TBC1D10B: variants seen among roughly 807,000 people sequenced by gnomAD.
TBC1D10B encodes the protein Rab27A-GAPbeta.
TBC1D10B carries 25 observed loss-of-function variants against 78.4 expected under a neutral mutation model. The observed-to-expected ratio is 0.32, with a 90% CI of 0.23 to 0.45. The LOEUF is 0.45. TBC1D10B is among the 20% of genes least tolerant of loss of function. The pLI is 1.00. For synonymous variants in TBC1D10B, 517 were observed against 478.0 expected (o/e 1.08, Z -1.06); for missense variants, 996 against 1,104.8 (o/e 0.90, Z 1.40).
chr16:30,368,864 G>A (rs1567415271), intron 1 of TBC1D10B, among the ~76,000 whole-genome samples: 1 of 152,232 alleles, frequency 6.6e-6, no homozygotes, highest in East Asian at 1.9e-4. Context: ...AGAATATCCG[G>A]CCTGTAGCTG....
At chr16:30,364,767 C>G in intron 4 of TBC1D10B, 133 bp downstream of exon 4, 1 of 747,114 alleles carries the variant, frequency 1.3e-6, no homozygotes. Flanking sequence ...GACACTTAGT[C>G]CATTACAGAT....
At chr16:30,364,777 T>C (rs944501099) in intron 4 of TBC1D10B, 123 bp downstream of exon 4, 1 of 794,278 alleles carries the variant, frequency 1.3e-6, no homozygotes, top group Non-Finnish European at 2.0e-6. Flanking sequence ...CCATTACAGA[T>C]AGCTCTTCTA....
intron 1 of TBC1D10B, chr16:30,367,431 G>T (rs557490799): frequency 6.6e-6 from 1 of 152,274 alleles, no homozygotes; most frequent in South Asian, 2.1e-4. Flanking sequence ...ATACCTTCTG[G>T]CCCTCAAGAA....
rs2049676888 is a variant in TBC1D10B, at chr16:30,370,154, G to A, written c.30C>T (p.Ala10=). 8.4e-7 allele frequency: 1 copy of A among 1,188,210 alleles called. No homozygotes were observed. The highest frequency in any genetic ancestry group is 4.2e-5 in the South Asian group (1 of 24,008). The allele number at this position is 1,188,210 out of a possible 1,614,324, so 73.6% of individuals were successfully genotyped here. A position where few individuals can be genotyped will look rare whatever the true frequency, so the allele number is the denominator to read the frequency against. Residue 10 remains alanine (A), a synonymous_variant, in exon 1 of 9, where the codon GCC becomes GCT. Coordinates refer to ENST00000409939, the MANE Select transcript of TBC1D10B (RefSeq NM_015527.4). METGTAPLV[A]PPRRHGAPAA... The stretch of plus-strand genomic sequence containing the variant: ...CGGGGGCGCCATGACGGCGCGGCGG[G>A]GCCACCAGGGGCGCCGTGCCCGTCT...
Position 30,365,845 on chromosome 16 carries a change from T to G in TBC1D10B, c.957-251A>C. 2.1e-6 allele frequency: 1 copy of G among 467,208 alleles called. No individual in the cohort carries two copies. Among genetic ancestry groups the G allele is most frequent in the East Asian group, 3.8e-5 (1 of 26,414 alleles). 28.9% of individuals were successfully genotyped at this position (467,208 alleles called of 1,614,324 possible). A position where few individuals can be genotyped will look rare whatever the true frequency, so the allele number is the denominator to read the frequency against. ...GACACATCCAAATCTGGGGAGAGAG[T>G]ATGGAGTATTTTAAAGCCACATTTT... On this transcript the variant is annotated intron_variant, in intron 1 of 8. Transcript: ENST00000409939. This position sits in a 1 kb window ranked among gnomAD's most constrained non-coding sequence, Gnocchi z 5.0.
chr16:30,359,772 G>C lies in TBC1D10B; in HGVS notation c.1341C>G (p.Ala447=). The change falls in exon 5 of 9, where the codon GCC becomes GCG. Residue 447 remains alanine (A), a synonymous_variant. Coordinates refer to ENST00000409939, the MANE Select transcript of TBC1D10B (RefSeq NM_015527.4). The part of the protein sequence containing the change: ...IYRPDEGYCQ[A]QAPVAAVLLM... ...GCAGGACCGCAGCCACGGGGGCCTG[G>C]GCCTGGCAGTAACCCTCGTCAGGCC... The C allele has an allele frequency of 6.3e-7, 1 of 1,591,136 alleles. No individual in the cohort carries two copies.
At chr16:30,364,537 T>C (rs893846180) in intron 4 of TBC1D10B, among the ~76,000 whole-genome samples, 15 of 152,212 alleles carry the variant, frequency 9.9e-5, no homozygotes, top group African/African-American at 3.6e-4. Context: ...TGGAGGAAGC[T>C]TGGTCTATAG....
At position 30,363,085 on chromosome 16, in the gene TBC1D10B, G is replaced by GC. The variant is rs200417987; in HGVS notation, c.1271+1814dup. Among the ~76,000 whole-genome samples the GC allele has an allele frequency of 7.2e-3, 1,101 of 152,110 alleles. 8 individuals carry two copies. Among genetic ancestry groups the GC allele is most frequent in the African/African-American group, 0.025 (1,048 of 41,492 alleles). ...CGTTCCAAAACTGAGCTCCTGATAT[G>GC]CCCCCCACAGCTACCTTTACCCCAT... On this transcript the variant is annotated intron_variant, in intron 4 of 8. Coordinates refer to ENST00000409939, the MANE Select transcript of TBC1D10B (RefSeq NM_015527.4).
chr16:30,359,203 C>T lies in TBC1D10B; in HGVS notation c.1611G>A (p.Val537=). ...AGAAAAACATGTCCCAGACACGCAGCACCGACGCCCAGGGCAGGGTGCGGG... is the reference window on the plus strand; with the variant it reads ...AGAAAAACATGTCCCAGACACGCAGTACCGACGCCCAGGGCAGGGTGCGGG... ...IFARTLPWAS[V]LRVWDMFFCE... Residue 537 remains valine (V), a synonymous_variant, in exon 7 of 9, where the codon GTG becomes GTA. Coordinates refer to ENST00000409939, the MANE Select transcript of TBC1D10B (RefSeq NM_015527.4). 6.2e-7 allele frequency: 1 copy of T among 1,613,050 alleles called. No homozygotes were observed.
rs771726643 is a variant in TBC1D10B, at chr16:30,359,772, G to A, written c.1341C>T (p.Ala447=). Residue 447 remains alanine (A), a synonymous_variant, in exon 5 of 9, where the codon GCC becomes GCT. Coordinates refer to ENST00000409939, the MANE Select transcript of TBC1D10B (RefSeq NM_015527.4). ...GCAGGACCGCAGCCACGGGGGCCTG[G>A]GCCTGGCAGTAACCCTCGTCAGGCC... The part of the protein sequence containing the change: ...IYRPDEGYCQ[A]QAPVAAVLLM... 6.3e-7 allele frequency: 1 copy of A among 1,591,136 alleles called. No individual in the cohort carries two copies. The highest frequency in any genetic ancestry group is 8.6e-7 in the Non-Finnish European group (1 of 1,168,766).
In TBC1D10B at chr16:30,357,546, G is replaced by A. The variant is rs970738607; in HGVS notation, c.*398C>T. On this transcript the variant is annotated 3_prime_UTR_variant, in exon 9 of 9. Transcript: ENST00000409939. ...CCAGGAAGTGGGGGAGACAGGGAGG[G>A]CTGAAGACAGGGAAAAGGAAGCCAG... The A allele has an allele frequency of 4.2e-6, 1 of 237,194 alleles. No individual in the cohort carries two copies. The highest frequency in any genetic ancestry group is 8.3e-6 in the Non-Finnish European group (1 of 120,464). The allele number at this position is 237,194 out of a possible 1,614,324, so 14.7% of individuals were successfully genotyped here. A position where few individuals can be genotyped will look rare whatever the true frequency, so the allele number is the denominator to read the frequency against.
intron 4 of TBC1D10B, among the ~76,000 whole-genome samples, chr16:30,364,056 G>A (rs900059950): frequency 7.9e-5 from 12 of 151,450 alleles, no homozygotes; most frequent in Admixed American, 4.0e-4. Context: ...GGCAGAGGTT[G>A]CAGTGAGCCA....
Position 30,365,671 on chromosome 16 carries a change from C to T in TBC1D10B, c.957-77G>A. On this transcript the variant is annotated intron_variant, in intron 1 of 8. Transcript: ENST00000409939. The surrounding 1 kb of genome is among the most constrained non-coding windows in gnomAD (Gnocchi z 5.0). ...GCATTGCAGGGGGAACTGAGGCAAG[C>T]CACCTCCCCAAGCTCAAACGAGAAA... 5.2e-6 allele frequency: 7 copies of T among 1,347,654 alleles called. No individual in the cohort carries two copies. The highest frequency in any genetic ancestry group is 7.4e-6 in the Non-Finnish European group (7 of 947,816). 83.5% of individuals were successfully genotyped at this position (1,347,654 alleles called of 1,614,324 possible).
Position 30,368,309 on chromosome 16 carries a change from G to A in TBC1D10B, c.956+919C>T, listed in dbSNP as rs571932550. Among the ~76,000 whole-genome samples, 348 of 152,280 alleles carry A rather than the reference G, an allele frequency of 2.3e-3. 6 individuals are homozygous for A. The highest frequency in any genetic ancestry group is 9.7e-3 in the South Asian group (47 of 4,822). ...TGACTCCCTGCTCTAGGTGCCTCAG[G>A]AAACCCTCTGGAGATCTCTAGGCTA... On this transcript the variant is annotated intron_variant, in intron 1 of 8. Transcript: ENST00000409939.
intron 1 of TBC1D10B, chr16:30,367,966 C>T (rs2049649641): frequency 6.6e-6 from 1 of 152,206 alleles, no homozygotes; most frequent in Non-Finnish European, 1.5e-5. Context: ...CCGAGTTCCT[C>T]AGGACAGCCT....
At chr16:30,361,271 C>T (rs192915282) in intron 4 of TBC1D10B, among the ~76,000 whole-genome samples, 54 of 152,194 alleles carry the variant, frequency 3.5e-4, no homozygotes, top group Admixed American at 3.1e-3. Flanking sequence ...CCAGCCTGGG[C>T]GACAGTCAAG....
intron 4 of TBC1D10B, among the ~76,000 whole-genome samples, chr16:30,361,466 G>A (rs1429381374): frequency 6.6e-6 from 1 of 152,138 alleles, no homozygotes. Context: ...TTTCACTCTC[G>A]TTGCCCAGGC....
At chr16:30,361,020 C>G (rs578096936) in intron 4 of TBC1D10B, among the ~76,000 whole-genome samples, 3 of 152,134 alleles carry the variant, frequency 2.0e-5, no homozygotes, top group Non-Finnish European at 4.4e-5. Context: ...CGCAGTAGCT[C>G]GCGCCTGTAA....
Position 30,369,137 on chromosome 16 carries a change from A to G in TBC1D10B, c.956+91T>C. ...GATCCTCAGAGGAGGCTGGGCTGCC[A>G]GAGTCTGGGCAAAGTGTATCGTTTT... On this transcript the variant is annotated intron_variant, in intron 1 of 8. Transcript: ENST00000409939. This position sits in a 1 kb window ranked among gnomAD's most constrained non-coding sequence, Gnocchi z 4.3. 7.5e-7 allele frequency: 1 copy of G among 1,338,038 alleles called. No individual in the cohort carries two copies. Among genetic ancestry groups the G allele is most frequent in the Non-Finnish European group, 1.0e-6 (1 of 996,520 alleles). The allele number at this position is 1,338,038 out of a possible 1,614,324, so 82.9% of individuals were successfully genotyped here. A position where few individuals can be genotyped will look rare whatever the true frequency, so the allele number is the denominator to read the frequency against.
Sources: gnomAD v4.1 joint callset for allele counts (sites outside exome capture counted in the v4.1 genomes callset) on GRCh38, gnomAD v4.1.1 for gene constraint, Gnocchi (gnomAD v3.1) non-coding constraint, MANE v1.5 for transcripts, NCBI Gene and HGNC (gene_info 2026-07-23, HGNC 2026-07-21) for gene names.